Variants in BCAS4 observed in about 807,000 individuals in gnomAD.
BCAS4 encodes breast carcinoma amplified sequence 4.
A neutral mutation model predicts 15.7 loss-of-function variants in BCAS4; 9 were observed. That is an observed-to-expected ratio of 0.57 (90% CI 0.34 to 1.00). BCAS4 has a LOEUF of 1.00. BCAS4 is among the 50% of genes least tolerant of loss of function. The pLI, the probability that BCAS4 is intolerant of heterozygous loss-of-function variation, is 0.02. For synonymous variants in BCAS4, 101 were observed against 99.5 expected, an observed-to-expected ratio of 1.02 and a Z score of -0.09; for missense variants, 225 against 239.1, an observed-to-expected ratio of 0.94 and a Z score of 0.39.
At chr20:50,819,572 A>G (rs1336284815) in intron 2 of BCAS4, among the ~76,000 whole-genome samples, 2 of 152,160 alleles carry the variant, frequency 1.3e-5, no homozygotes, top group African/African-American at 4.8e-5. Context: ...GACAGCAGGC[A>G]CTGAGTCATC....
At chr20:50,857,320 G>A (rs774480377) in intron 4 of BCAS4, among the ~76,000 whole-genome samples, 1 of 152,016 alleles carries the variant, frequency 6.6e-6, no homozygotes, top group Non-Finnish European at 1.5e-5. Flanking sequence ...TAGTGGAGAC[G>A]GGGTTTCTCC....
At chr20:50,796,609 C>T (rs1210905693) in intron 1 of BCAS4, among the ~76,000 whole-genome samples, 3 of 142,656 alleles carry the variant, frequency 2.1e-5, no homozygotes, top group Non-Finnish European at 3.0e-5. Context: ...ATTCTCCTGC[C>T]TCAGCCTCCC....
intron 1 of BCAS4, among the ~76,000 whole-genome samples, chr20:50,815,725 T>C (rs2088128928): frequency 6.6e-6 from 1 of 152,012 alleles, no homozygotes; most frequent in Admixed American, 6.6e-5. Flanking sequence ...TGCAGTCGTT[T>C]ATTTTGTTGT....
At chr20:50,814,167 C>T (rs2088108105) in intron 1 of BCAS4, among the ~76,000 whole-genome samples, 1 of 152,174 alleles carries the variant, frequency 6.6e-6, no homozygotes, top group African/African-American at 2.4e-5. Flanking sequence ...ACCAGACAGT[C>T]AGCAAACTCT....
chr20:50,810,114 T>G (rs1002832697), intron 1 of BCAS4, among the ~76,000 whole-genome samples: 1 of 151,898 alleles, frequency 6.6e-6, no homozygotes, highest in Non-Finnish European at 1.5e-5. Flanking sequence ...GTCTGATTGC[T>G]CTGGCTAGGA....
intron 4 of BCAS4, among the ~76,000 whole-genome samples, chr20:50,857,722 AC>A (rs1002914839): frequency 9.2e-5 from 14 of 152,044 alleles, no homozygotes; most frequent in African/African-American, 3.4e-4. Flanking sequence ...CTCCACTTCC[AC>A]CCTTATTCCC....
At position 50,841,813 on chromosome 20, in the gene BCAS4, C is replaced by T. The variant is rs368180767; in HGVS notation, c.312C>T (p.Asp104=). 61 of 1,613,780 alleles carry T rather than the reference C, an allele frequency of 3.8e-5. No homozygotes were observed. The highest frequency in any genetic ancestry group is 2.0e-4 in the South Asian group (18 of 91,080). The change falls in exon 4 of 5, where the codon GAC becomes GAT. Residue 104 remains aspartate (D), a synonymous_variant. Coordinates refer to ENST00000371608, the MANE Select transcript of BCAS4 (RefSeq NM_198799.4). ...ACCACGTCGCCTTCCTGGAAGCAGA[C>T]GTGCTTCAGGCTGAGCGGGACCATG... ...VGHHVAFLEA[D]VLQAERDHGA... is the part of the protein sequence containing the mutation.
chr20:50,813,589 C>T lies in BCAS4; in HGVS notation c.91-4622C>T, dbSNP rs1229497984. Among the ~76,000 whole-genome samples the T allele has an allele frequency of 2.7e-5, 4 of 150,484 alleles. No homozygotes were observed. In the East Asian group the frequency reaches 5.9e-4, roughly 22 times the overall value. On this transcript the variant is annotated intron_variant, in intron 1 of 4. Transcript: ENST00000371608. ...GGGGTGGAAGGTGGGAGAGAAGAGT[C>T]AAGGGTGCTCCGAAGTATTTGGCCT...
At chr20:50,835,452 G>A (rs1301228356) in intron 3 of BCAS4, among the ~76,000 whole-genome samples, 2 of 151,962 alleles carry the variant, frequency 1.3e-5, no homozygotes, top group Non-Finnish European at 2.9e-5. Context: ...CACCATGTTG[G>A]CCAGGATGGT....
intron 3 of BCAS4, among the ~76,000 whole-genome samples, chr20:50,835,406 G>A (rs889736823): frequency 1.4e-4 from 22 of 151,914 alleles, no homozygotes; most frequent in South Asian, 1.0e-3. Flanking sequence ...CACCACACCC[G>A]GCTAATTTTT....
intron 4 of BCAS4, among the ~76,000 whole-genome samples, chr20:50,867,012 G>A (rs1190583976): frequency 6.6e-6 from 1 of 152,100 alleles, no homozygotes; most frequent in Non-Finnish European, 1.5e-5. Context: ...TTTATGGAGT[G>A]AGACTGATCT....
intron 1 of BCAS4, among the ~76,000 whole-genome samples, chr20:50,805,177 C>T (rs2087974986): frequency 6.6e-6 from 1 of 152,042 alleles, no homozygotes; most frequent in Non-Finnish European, 1.5e-5. Context: ...AGTTGTACAA[C>T]CATCAACCAC....
chr20:50,818,977 GT>G (rs1179122281), intron 2 of BCAS4, among the ~76,000 whole-genome samples: 1 of 152,142 alleles, frequency 6.6e-6, no homozygotes, highest in Non-Finnish European at 1.5e-5. Flanking sequence ...GAGGTCAGGA[GT>G]TCAAGACCAG....
intron 4 of BCAS4, among the ~76,000 whole-genome samples, chr20:50,853,211 C>T (rs1386721512): frequency 1.6e-5 from 2 of 128,838 alleles, no homozygotes; most frequent in Non-Finnish European, 3.1e-5. Flanking sequence ...GTGGTGTGAT[C>T]TCAGCTCACT....
At chr20:50,852,283 C>T (rs1978474321) in intron 4 of BCAS4, among the ~76,000 whole-genome samples, 1 of 152,190 alleles carries the variant, frequency 6.6e-6, no homozygotes, top group African/African-American at 2.4e-5. Context: ...CAGGTTGGGG[C>T]TGTGACTGGC....
rs1283892188 is a variant in BCAS4, at chr20:50,876,684, T to C, written c.*76T>C. The C allele has an allele frequency of 2.0e-6, 3 of 1,478,244 alleles. No homozygotes were observed. Among genetic ancestry groups the C allele is most frequent in the Non-Finnish European group, 1.8e-6 (2 of 1,107,198 alleles). The allele number at this position is 1,478,244 out of a possible 1,614,324, so 91.6% of individuals were successfully genotyped here. Reference sequence around the variant, plus strand: ...CTGCAGCTTGGGGGTTTTTTCTTTGTATTGCTGTTTATTTTATATTTTAAA... The same window carrying C: ...CTGCAGCTTGGGGGTTTTTTCTTTGCATTGCTGTTTATTTTATATTTTAAA... On this transcript the variant is annotated 3_prime_UTR_variant, in exon 5 of 5. Transcript: ENST00000371608.
intron 3 of BCAS4, among the ~76,000 whole-genome samples, chr20:50,832,460 A>G (rs2088355531): frequency 6.6e-6 from 1 of 151,734 alleles, no homozygotes; most frequent in East Asian, 1.9e-4. Context: ...GTTTTGCCAT[A>G]TTGTCTAGGC....
intron 4 of BCAS4, among the ~76,000 whole-genome samples, chr20:50,870,546 A>G (rs1979585808): frequency 6.6e-6 from 1 of 152,162 alleles, no homozygotes; most frequent in Admixed American, 6.5e-5. Context: ...CTTCGGCCAG[A>G]CGCAGCAGGT....
chr20:50,871,930 C>T (rs1019323467), intron 4 of BCAS4, among the ~76,000 whole-genome samples: 5 of 152,236 alleles, frequency 3.3e-5, no homozygotes, highest in South Asian at 4.2e-4. Context: ...GGGAGCTGCT[C>T]GGATGGGGAG....
Sources: gnomAD v4.1 joint callset for allele counts (sites outside exome capture counted in the v4.1 genomes callset) on GRCh38, gnomAD v4.1.1 for gene constraint, MANE v1.5 for transcripts, NCBI Gene and HGNC (gene_info 2026-07-23, HGNC 2026-07-21) for gene names.